The following PGAP2 variants were observed in gnomAD, a reference collection of about 807,000 sequenced individuals.
The protein encoded by PGAP2 is acyltransferase PGAP2.
Under a neutral mutation model 33.2 loss-of-function variants are expected in PGAP2, and 21 were observed. That is an observed-to-expected ratio of 0.63 (90% CI 0.45 to 0.91). The LOEUF is 0.91. Ranked by LOEUF, PGAP2 falls within the 40% of genes least tolerant of loss-of-function variation. PGAP2 has a pLI of 0.00. For missense variants in PGAP2, 345 were observed against 424.0 expected (o/e 0.81, Z 1.64); for synonymous variants, 161 against 172.9 (o/e 0.93, Z 0.54).
At chr11:3,800,824 A>AG (rs1480272476) in intron 1 of PGAP2, among the ~76,000 whole-genome samples, 1 of 150,196 alleles carries the variant, frequency 6.7e-6, no homozygotes, top group African/African-American at 2.5e-5. Flanking sequence ...AAAAAAAAAA[A>AG]AAAAAAAGAA....
intron 3 of PGAP2, among the ~76,000 whole-genome samples, chr11:3,820,631 G>A (rs1361119736): frequency 2.0e-5 from 3 of 151,884 alleles, no homozygotes; most frequent in Non-Finnish European, 2.9e-5. Flanking sequence ...TTGCACTCCA[G>A]CCTAGGCAAC....
chr11:3,804,644 A>G (rs2084011719), upstream of PGAP2, among the ~76,000 whole-genome samples: 1 of 151,984 alleles, frequency 6.6e-6, no homozygotes, highest in Non-Finnish European at 1.5e-5. Context: ...GTTCCATTAA[A>G]TCAACCCAAC....
chr11:3,805,747 C>T (rs1365907309), upstream of PGAP2, among the ~76,000 whole-genome samples: 3 of 150,926 alleles, frequency 2.0e-5, no homozygotes, highest in Non-Finnish European at 1.5e-5. Context: ...AGTGCAGTGG[C>T]GCGATCTCGG....
upstream of PGAP2, among the ~76,000 whole-genome samples, chr11:3,806,005 T>C (rs1266510644): frequency 2.0e-5 from 3 of 151,962 alleles, no homozygotes; most frequent in African/African-American, 7.3e-5. Context: ...TTTAAATAAA[T>C]AAATAAAACC....
chr11:3,822,990 C>T (rs1052344104), intron 3 of PGAP2: 50 of 1,452,946 alleles, frequency 3.4e-5, no homozygotes, highest in Admixed American at 6.7e-5. Context: ...TTAGACTACC[C>T]CAGGTTAGGA....
intron 2 of PGAP2, among the ~76,000 whole-genome samples, chr11:3,814,342 C>T (rs769749503): frequency 2.0e-5 from 3 of 152,036 alleles, no homozygotes; most frequent in Admixed American, 1.3e-4. Context: ...CTGCAACCTC[C>T]GCCTCTTGGG....
rs1247376155 is a variant in PGAP2 at position 3,811,414 on chromosome 11, C to CACACTGTGGGGTAGGGCATGGGG, written c.162_165+19dup. ...TTCCACTTCAAGGAGACAACGGCCA[C>CACACTGTGGGGTAGGGCATGGGG]ACACTGTGGGGTAGGGCATGGGGAC... On this transcript the variant is annotated frameshift_variant, in exon 2 of 7. Transcript: ENST00000278243. LOFTEE classifies it high-confidence loss of function. This position sits in a 1 kb window ranked among gnomAD's most constrained non-coding sequence, Gnocchi z 4.6. 1 of 1,613,884 alleles carries CACACTGTGGGGTAGGGCATGGGG rather than the reference C, an allele frequency of 6.2e-7. No individual in the cohort carries two copies. Among genetic ancestry groups the CACACTGTGGGGTAGGGCATGGGG allele is most frequent in the South Asian group, 1.1e-5 (1 of 91,070 alleles).
rs553600000 is a variant in PGAP2, at chr11:3,817,467, G to A, written c.280G>A (p.Gly94Ser). The A allele has an allele frequency of 1.4e-4, 230 of 1,614,014 alleles. 1 individual carries two copies. The Admixed American group carries it at 1.6e-3, about 11-fold the overall frequency. ...VWWAITFPVF[G>S]FFFCIIWSLV... ...GTGGGCCATCACTTTTCCTGTGTTC[G>A]GCTTCTTCTTCTGCATCATCTGGTC... The change falls in exon 3 of 7, where the codon GGC becomes AGC. Residue 94 changes from glycine (G) to serine (S), a missense_variant. Physicochemically the swap from Gly to Ser is moderately conservative, Grantham distance 56. Around this residue, in one of 2 missense-constraint regions of PGAP2, gnomAD observed 311 missense variants for 353.6 expected, o/e 0.88. Transcript: ENST00000278243.
intron 3 of PGAP2, chr11:3,823,056 AG>A: frequency 2.5e-6 from 1 of 395,294 alleles, no homozygotes; most frequent in Non-Finnish European, 3.7e-6. Flanking sequence ...TTTTTTTTTG[AG>A]ACAGAGTCTC....
At position 3,825,178 on chromosome 11, in the gene PGAP2, C is replaced by A. The variant is rs1195901067; in HGVS notation, c.817+50C>A. ...GCGGTCATGAGTGGCTGCGGGGCAG[C>A]AATGATGTTTTTGATAATGGGCAAT... is the stretch of plus-strand genomic sequence containing the variant. On this transcript the variant is annotated intron_variant, in intron 6 of 6. Transcript: ENST00000278243. 2.5e-6 allele frequency: 4 copies of A among 1,592,390 alleles called. No individual in the cohort carries two copies. In the South Asian group the frequency reaches 3.3e-5, roughly 13 times the overall value.
chr11:3,814,558 C>CTT (rs369901073), intron 2 of PGAP2, among the ~76,000 whole-genome samples: 5 of 149,116 alleles, frequency 3.4e-5, no homozygotes, highest in African/African-American at 9.8e-5. Context: ...TGCCCAGCCT[C>CTT]TTTTTTTTTT....
intron 2 of PGAP2, among the ~76,000 whole-genome samples, chr11:3,815,846 T>A (rs1382218075): frequency 1.3e-5 from 2 of 152,194 alleles, no homozygotes; most frequent in Non-Finnish European, 2.9e-5. Flanking sequence ...CCTGCTTCTG[T>A]CATCATAGGA....
intron 1 of PGAP2, among the ~76,000 whole-genome samples, chr11:3,798,687 A>G (rs2082973088): frequency 7.2e-6 from 1 of 139,784 alleles, no homozygotes; most frequent in African/African-American, 2.7e-5. Flanking sequence ...TCTTTCTCCC[A>G]GGCTGGAGTG....
upstream of PGAP2, among the ~76,000 whole-genome samples, chr11:3,806,169 CAG>C (rs1290889331): frequency 1.3e-5 from 2 of 151,952 alleles, no homozygotes; most frequent in Non-Finnish European, 2.9e-5. Flanking sequence ...GACCCAGCCT[CAG>C]GGAATGGTAC....
intron 3 of PGAP2, chr11:3,823,535 C>A: frequency 6.7e-7 from 1 of 1,483,238 alleles, no homozygotes; most frequent in Non-Finnish European, 9.1e-7. Context: ...TGGAACTCAC[C>A]CAGGGTCTTA....
chr11:3,806,454 G>A (rs906900629), upstream of PGAP2, among the ~76,000 whole-genome samples: 8 of 152,128 alleles, frequency 5.3e-5, no homozygotes, highest in South Asian at 2.1e-4. Flanking sequence ...TCCAGACTTC[G>A]GAGCCCCTCA....
upstream of PGAP2, among the ~76,000 whole-genome samples, chr11:3,807,729 A>G (rs539097881): frequency 3.3e-5 from 5 of 152,186 alleles, no homozygotes; most frequent in Non-Finnish European, 7.3e-5. Context: ...GATGTTAGGT[A>G]TGGCTAACTT....
At chr11:3,824,878 T>C in intron 5 of PGAP2, 142 bp from the exon 6 acceptor site, 1 of 1,468,654 alleles carries the variant, frequency 6.8e-7, no homozygotes, top group East Asian at 2.4e-5. Context: ...TCATTCTTGC[T>C]GCCCCTGCCT....
chr11:3,799,868 G>A (rs1283814641), intron 1 of PGAP2, among the ~76,000 whole-genome samples: 1 of 152,160 alleles, frequency 6.6e-6, no homozygotes, highest in Admixed American at 6.6e-5. Context: ...TAGGGAGGCT[G>A]AAGTAGGAGG....
Sources: gnomAD v4.1 joint callset for allele counts (sites outside exome capture counted in the v4.1 genomes callset) on GRCh38, gnomAD v4.1.1 for gene constraint, gnomAD v4.1.1 regional missense constraint, Gnocchi (gnomAD v3.1) non-coding constraint, MANE v1.5 for transcripts, NCBI Gene and HGNC (gene_info 2026-07-23, HGNC 2026-07-21) for gene names.